C4orf51: variants seen among roughly 807,000 people sequenced by gnomAD.
C4orf51 encodes uncharacterized protein C4orf51.
In C4orf51, 25 loss-of-function variants were observed where a neutral mutation model predicts 25.2. The observed-to-expected ratio is 0.99, with a 90% CI of 0.72 to 1.39. The LOEUF (loss-of-function observed/expected upper bound fraction) is 1.39, where lower values mean the gene tolerates loss of function less well. Ranked by LOEUF, C4orf51 falls within the 40% of genes most tolerant of loss-of-function variation. The pLI is 0.00. For synonymous variants in C4orf51, 100 were observed against 84.5 expected (o/e 1.18, Z -1.01); for missense variants, 252 against 239.6 (o/e 1.05, Z -0.34).
chr4:145,734,103 A>C (rs1475904109), downstream of C4orf51, among the ~76,000 whole-genome samples: 1 of 152,220 alleles, frequency 6.6e-6, no homozygotes, highest in Non-Finnish European at 1.5e-5. Context: ...TGGCCACACA[A>C]GTTCAATTTG....
chr4:145,681,047 G>T (rs1214471444), intron 1 of C4orf51, among the ~76,000 whole-genome samples: 2 of 152,160 alleles, frequency 1.3e-5, no homozygotes, highest in Admixed American at 6.5e-5. Context: ...CTCCAAGCTG[G>T]TTTGAAAGGC....
downstream of C4orf51, chr4:145,754,384 A>G (rs1733829586): frequency 1.3e-5 from 2 of 152,248 alleles, no homozygotes; most frequent in Admixed American, 1.3e-4. Context: ...TCTTCTACAG[A>G]AAACATATGA....
At chr4:145,707,058 C>T (rs566254268) in intron 2 of C4orf51, among the ~76,000 whole-genome samples, 32 of 152,162 alleles carry the variant, frequency 2.1e-4, no homozygotes, top group African/African-American at 7.0e-4. Context: ...TCAGGTGATC[C>T]GGCCCACCTC....
chr4:145,789,221 G>A, the C4orf51 span, among the ~76,000 whole-genome samples: 2 of 152,028 alleles, frequency 1.3e-5, no homozygotes, highest in Non-Finnish European at 1.5e-5. Flanking sequence ...GCCTTACATT[G>A]CCTATTTCTG....
In C4orf51 at chr4:145,761,215, C is replaced by T. The variant is rs1285431956; in HGVS notation, n.167-9773C>T. 7.0e-6 allele frequency: 9 copies of T among 1,289,702 alleles called. No individual in the cohort carries two copies. The highest frequency in any genetic ancestry group is 8.1e-6 in the Non-Finnish European group (8 of 988,876). 79.9% of individuals were successfully genotyped at this position (1,289,702 alleles called of 1,614,324 possible). ...CCCACTCTGGTGCTTCTTGACGTGG[C>T]GGCTGAAGACGAAAGGGTGTGTGGT... is the stretch of plus-strand genomic sequence containing the variant. On this transcript the variant is annotated intron_variant and non_coding_transcript_variant, in intron 1 of 1. Coordinates refer to the C4orf51 transcript ENST00000510096. The surrounding 1 kb of genome is among the most constrained non-coding windows in gnomAD (Gnocchi z 6.8).
At chr4:145,791,432 C>T in the C4orf51 span, among the ~76,000 whole-genome samples, 11 of 152,124 alleles carry the variant, frequency 7.2e-5, no homozygotes, top group Admixed American at 6.5e-4. Flanking sequence ...GGGACATAAA[C>T]ATTTAGACCA....
intron 1 of C4orf51, among the ~76,000 whole-genome samples, chr4:145,748,725 A>G (rs879604403): frequency 2.6e-5 from 4 of 152,006 alleles, no homozygotes; most frequent in Admixed American, 6.6e-5. Context: ...TTTTATTCCA[A>G]TGTGGTTAGA....
chr4:145,733,168 C>G (rs1487777170), downstream of C4orf51, among the ~76,000 whole-genome samples: 1 of 152,056 alleles, frequency 6.6e-6, no homozygotes, highest in Non-Finnish European at 1.5e-5. Flanking sequence ...CGCCGCCTGC[C>G]CCTCCCCTCC....
rs1403526813 is a variant in C4orf51 at position 145,694,003 on chromosome 4, C to T, written c.234-2556C>T. On this transcript the variant is annotated intron_variant, in intron 1 of 5. Coordinates refer to ENST00000438731, the MANE Select transcript of C4orf51 (RefSeq NM_001080531.3). The stretch of plus-strand genomic sequence containing the variant: ...CCTCTCAGACGGGGCAGCTGCCGGG[C>T]GGAGGGGCTCCTCACTTCTCAGACG... 1.8e-3 allele frequency among the ~76,000 whole-genome samples: 234 copies of T among 128,782 alleles called. 1 individual carries two copies. The highest frequency in any genetic ancestry group is 5.7e-3 in the African/African-American group (189 of 33,262). 84.5% of individuals were successfully genotyped at this position (128,782 alleles called of 152,430 possible). A position where few individuals can be genotyped will look rare whatever the true frequency, so the allele number is the denominator to read the frequency against.
chr4:145,729,437 G>A (rs978204128), intron 4 of C4orf51, among the ~76,000 whole-genome samples: 1 of 151,486 alleles, frequency 6.6e-6, no homozygotes, highest in Non-Finnish European at 1.5e-5. Context: ...GAGTAGCTGG[G>A]ACTACCGGCG....
intron 2 of C4orf51, among the ~76,000 whole-genome samples, chr4:145,724,226 AG>A (rs745558344): frequency 2.6e-5 from 4 of 152,232 alleles, no homozygotes; most frequent in Non-Finnish European, 5.9e-5. Flanking sequence ...GATTTATAAA[AG>A]TCTTACAGAG....
In C4orf51 at chr4:145,686,682, G is replaced by A. The variant is rs375405372; in HGVS notation, c.233+6246G>A. Among the ~76,000 whole-genome samples, 61 of 152,304 alleles carry A rather than the reference G, an allele frequency of 4.0e-4. 1 individual carries two copies. Among genetic ancestry groups the A allele is most frequent in the East Asian group, 1.7e-3 (9 of 5,184 alleles). On this transcript the variant is annotated intron_variant, in intron 1 of 5. Transcript: ENST00000438731. ...GAAACAACAGTGAGGTTTGCACATT[G>A]TAACTTGATCACTCCCACCCCCTTG...
At chr4:145,770,005 C>T (rs1735998639) in intron 1 of C4orf51, among the ~76,000 whole-genome samples, 2 of 152,116 alleles carry the variant, frequency 1.3e-5, no homozygotes, top group African/African-American at 4.8e-5. Context: ...AGAATAAAGA[C>T]TCTAGATCCA....
chr4:145,748,409 ATTTCT>A (rs947237840), intron 1 of C4orf51, among the ~76,000 whole-genome samples: 5 of 151,388 alleles, frequency 3.3e-5, no homozygotes, highest in African/African-American at 1.2e-4. Context: ...TCTAATCCTT[ATTTCT>A]TTTCTTCTTC....
the C4orf51 span, among the ~76,000 whole-genome samples, chr4:145,785,480 A>AT: frequency 6.6e-6 from 1 of 152,038 alleles, no homozygotes; most frequent in African/African-American, 2.4e-5. Flanking sequence ...CAATTTGTTC[A>AT]TTTTCAGGAG....
chr4:145,715,291 G>A (rs1444755159), intron 2 of C4orf51, among the ~76,000 whole-genome samples: 1 of 152,152 alleles, frequency 6.6e-6, no homozygotes, highest in Non-Finnish European at 1.5e-5. Context: ...GTGAGTCTTT[G>A]CCTCTCTTCC....
At chr4:145,715,231 G>A (rs1196101849) in intron 2 of C4orf51, among the ~76,000 whole-genome samples, 1 of 152,204 alleles carries the variant, frequency 6.6e-6, no homozygotes, top group East Asian at 1.9e-4. Flanking sequence ...ACTCCCTGAA[G>A]CAGTAATTGG....
At chr4:145,701,468 T>C (rs956492308) in intron 2 of C4orf51, among the ~76,000 whole-genome samples, 3 of 152,010 alleles carry the variant, frequency 2.0e-5, no homozygotes, top group Middle Eastern at 6.8e-3. Flanking sequence ...CACTGGAAAT[T>C]GGACTGTTCA....
At chr4:145,713,343 A>T (rs1731232237) in intron 2 of C4orf51, among the ~76,000 whole-genome samples, 1 of 152,254 alleles carries the variant, frequency 6.6e-6, no homozygotes, top group African/African-American at 2.4e-5. Flanking sequence ...TCCAGTCTAG[A>T]TGCCATTAAG....
Sources: allele counts gnomAD v4.1 joint callset (sites outside exome capture counted in the v4.1 genomes callset), GRCh38; gene constraint gnomAD v4.1.1; non-coding constraint Gnocchi (gnomAD v3.1); transcripts MANE v1.5; gene names NCBI Gene and HGNC (gene_info 2026-07-23, HGNC 2026-07-21).